SRRM3: variants seen among roughly 807,000 people sequenced by gnomAD.
SRRM3 encodes the protein serine/arginine repetitive matrix protein 3.
Under a neutral mutation model 66.2 loss-of-function variants are expected in SRRM3, and 27 were observed. The ratio of observed to expected loss-of-function variants is 0.41; its 90% CI spans 0.30 to 0.56. The LOEUF (loss-of-function observed/expected upper bound fraction) is 0.56. SRRM3 is among the 20% of genes least tolerant of loss of function. The pLI, the probability that SRRM3 is intolerant of heterozygous loss-of-function variation, is 0.32. For synonymous variants in SRRM3, 391 were observed against 414.9 expected (o/e 0.94, Z 0.70); for missense variants, 918 against 991.9 (o/e 0.93, Z 1.00).
intron 11 of SRRM3, among the ~76,000 whole-genome samples, chr7:76,272,193 G>T (rs1036834278): frequency 6.6e-6 from 1 of 152,228 alleles, no homozygotes; most frequent in African/African-American, 2.4e-5. Flanking sequence ...AGAGTTTGCC[G>T]TCTTTTCTAT....
At position 76,286,467 on chromosome 7, in the gene SRRM3, TC is replaced by T. The variant is rs1219597928; in HGVS notation, c.*629del. The T allele has an allele frequency of 6.6e-5, 10 of 152,368 alleles. No homozygotes were observed. The highest frequency in any genetic ancestry group is 3.9e-4 in the Admixed American group (6 of 15,268). 9.4% of individuals were successfully genotyped at this position (152,368 alleles called of 1,614,324 possible). On this transcript the variant is annotated 3_prime_UTR_variant, in exon 15 of 15. Coordinates refer to ENST00000611745, the MANE Select transcript of SRRM3 (RefSeq NM_001110199.3). ...AGGGCTGGTGGCTGGCCCCACAGCC[TC>T]CCCCAAGCTCCTCCACTGACCCAGG...
In SRRM3 at chr7:76,266,385, AATATATTT is replaced by A. The variant is rs1210306185; in HGVS notation, c.831-864_831-857del. On this transcript the variant is annotated intron_variant, in intron 10 of 14. Coordinates refer to ENST00000611745, the MANE Select transcript of SRRM3 (RefSeq NM_001110199.3). ...ATATTTTCATATAAATAATATATTT[AATATATTT>A]ATATATTTTAATTTATATATATTTA... 3.5e-3 allele frequency among the ~76,000 whole-genome samples: 398 copies of A among 114,016 alleles called. 2 individuals carry two copies. The highest frequency in any genetic ancestry group is 0.014 in the African/African-American group (373 of 26,852). 74.8% of individuals were successfully genotyped at this position (114,016 alleles called of 152,430 possible). A position where few individuals can be genotyped will look rare whatever the true frequency, so the allele number is the denominator to read the frequency against.
chr7:76,257,693 A>G (rs1229695006), intron 3 of SRRM3, among the ~76,000 whole-genome samples: 27 of 151,802 alleles, frequency 1.8e-4, no homozygotes, highest in African/African-American at 6.3e-4. Context: ...GGATCGCTTG[A>G]GGCCAGGAGT....
intron 14 of SRRM3, among the ~76,000 whole-genome samples, chr7:76,284,473 C>T (rs979836511): frequency 1.3e-5 from 2 of 152,102 alleles, no homozygotes; most frequent in African/African-American, 2.4e-5. Context: ...CCCCCGCGCC[C>T]GACCAAATTG....
chr7:76,255,665 C>T (rs1330321655), intron 3 of SRRM3, among the ~76,000 whole-genome samples: 2 of 152,108 alleles, frequency 1.3e-5, no homozygotes, highest in African/African-American at 4.8e-5. Context: ...CTATGCTGGT[C>T]TCAAATTCCT....
chr7:76,243,437 A>G (rs1320102176), intron 2 of SRRM3, among the ~76,000 whole-genome samples: 1 of 152,166 alleles, frequency 6.6e-6, no homozygotes, highest in African/African-American at 2.4e-5. Flanking sequence ...TGGGGCACAG[A>G]GGGACCCTCC....
chr7:76,247,868 T>C (rs1554606316), intron 2 of SRRM3, among the ~76,000 whole-genome samples: 1 of 152,148 alleles, frequency 6.6e-6, no homozygotes, highest in Non-Finnish European at 1.5e-5. Flanking sequence ...CTAATTTTTG[T>C]ATTTTTAGTA....
At chr7:76,280,874 T>C (rs1420764618) in intron 11 of SRRM3, among the ~76,000 whole-genome samples, 4 of 150,910 alleles carry the variant, frequency 2.7e-5, no homozygotes, top group African/African-American at 9.8e-5. Flanking sequence ...TTCTCGAACT[T>C]CTCCCTGGCT....
At chr7:76,247,749 C>G (rs916682531) in intron 2 of SRRM3, among the ~76,000 whole-genome samples, 3 of 152,130 alleles carry the variant, frequency 2.0e-5, no homozygotes, top group African/African-American at 4.8e-5. Flanking sequence ...GGCTGGTGTG[C>G]AGTGGCGTGA....
intron 8 of SRRM3, among the ~76,000 whole-genome samples, chr7:76,262,074 G>A (rs936770055): frequency 3.9e-5 from 6 of 151,998 alleles, no homozygotes; most frequent in South Asian, 2.1e-4. Context: ...CACCCAGGAG[G>A]GCTGGGGGTT....
At chr7:76,205,877 C>T (rs1334660434) in intron 1 of SRRM3, among the ~76,000 whole-genome samples, 1 of 152,252 alleles carries the variant, frequency 6.6e-6, no homozygotes, top group Non-Finnish European at 1.5e-5. Flanking sequence ...AAGCTTGAAA[C>T]ACTGGAGGTG....
At chr7:76,276,475 C>G (rs149920456) in intron 11 of SRRM3, among the ~76,000 whole-genome samples, 1 of 152,262 alleles carries the variant, frequency 6.6e-6, no homozygotes, top group Non-Finnish European at 1.5e-5. Context: ...TCTATGGGAT[C>G]ATAGAGGAGC....
chr7:76,218,961 TCTC>T (rs1371035026), intron 1 of SRRM3, among the ~76,000 whole-genome samples: 1 of 152,156 alleles, frequency 6.6e-6, no homozygotes, highest in Non-Finnish European at 1.5e-5. Flanking sequence ...TTCAAGCAAT[TCTC>T]CTGCCTCAGC....
chr7:76,252,179 T>C (rs1327281386), intron 3 of SRRM3, among the ~76,000 whole-genome samples: 1 of 152,142 alleles, frequency 6.6e-6, no homozygotes, highest in African/African-American at 2.4e-5. Flanking sequence ...CAACAGTATC[T>C]ATCGAGTCGG....
intron 2 of SRRM3, among the ~76,000 whole-genome samples, chr7:76,246,435 G>C (rs1256385384): frequency 6.6e-6 from 1 of 152,044 alleles, no homozygotes; most frequent in South Asian, 2.1e-4. Context: ...ATGGTGGCAG[G>C]CTCCTGTAAT....
At chr7:76,205,553 T>A (rs1800280076) in intron 1 of SRRM3, among the ~76,000 whole-genome samples, 1 of 152,158 alleles carries the variant, frequency 6.6e-6, no homozygotes. Flanking sequence ...TCTCCTATTT[T>A]CCCCAAAATT....
intron 3 of SRRM3, among the ~76,000 whole-genome samples, chr7:76,257,268 G>T (rs1418270157): frequency 3.3e-5 from 5 of 151,912 alleles, no homozygotes; most frequent in African/African-American, 1.2e-4. Flanking sequence ...AGGAGGGGAA[G>T]GGGTGAGCCA....
At chr7:76,243,661 C>T (rs544203010) in intron 2 of SRRM3, among the ~76,000 whole-genome samples, 3 of 152,196 alleles carry the variant, frequency 2.0e-5, no homozygotes, top group Non-Finnish European at 4.4e-5. Context: ...GCCTGAAACC[C>T]CCTGCCAGCC....
intron 11 of SRRM3, chr7:76,268,952 C>T (rs1244768102): frequency 6.6e-6 from 1 of 152,282 alleles, no homozygotes; most frequent in Non-Finnish European, 1.5e-5. Context: ...AGCTTCTCAT[C>T]CACCCTTCTG....
Sources: gnomAD v4.1 joint callset for allele counts (sites outside exome capture counted in the v4.1 genomes callset) on GRCh38, gnomAD v4.1.1 for gene constraint, MANE v1.5 for transcripts, NCBI Gene and HGNC (gene_info 2026-07-23, HGNC 2026-07-21) for gene names.